TNR: variants seen among roughly 807,000 people sequenced by gnomAD.
TNR encodes the protein tenascin R, also known as tenascin-R.
In TNR, 45 loss-of-function variants were observed where a neutral mutation model predicts 150.4. That is an observed-to-expected ratio of 0.30 (90% CI 0.24 to 0.38). TNR has a LOEUF of 0.38. Ranked by LOEUF, TNR falls within the 10% of genes least tolerant of loss-of-function variation. The pLI, the probability that TNR is intolerant of heterozygous loss-of-function variation, is 1.00. For missense variants in TNR, 1,544 were observed against 1,759.1 expected, an observed-to-expected ratio of 0.88 and a Z score of 2.19; for synonymous variants, 687 against 678.4, an observed-to-expected ratio of 1.01 and a Z score of -0.20.
intron 2 of TNR, among the ~76,000 whole-genome samples, chr1:175,523,642 CCA>C (rs1382236769): frequency 2.6e-5 from 4 of 152,176 alleles, no homozygotes; most frequent in Non-Finnish European, 5.9e-5. Flanking sequence ...CCCCTCTTCT[CCA>C]TCCTTAGCAC....
intron 1 of TNR, among the ~76,000 whole-genome samples, chr1:175,531,614 C>T (rs1254118776): frequency 6.6e-6 from 1 of 152,168 alleles, no homozygotes; most frequent in African/African-American, 2.4e-5. Context: ...AGCATGCTGA[C>T]CTGACTCTCC....
At chr1:175,337,860 A>T (rs1362086832) in intron 18 of TNR, among the ~76,000 whole-genome samples, 181 bp from the exon 19 acceptor site, 1 of 152,196 alleles carries the variant, frequency 6.6e-6, no homozygotes, top group African/African-American at 2.4e-5. Context: ...TCCCTTCCAC[A>T]ACTGTTGTTA....
rs1256594977 is a variant in TNR, at chr1:175,386,267, A to G, written c.1542T>C (p.Asp514=). The change falls in exon 8 of 23, where the codon GAT becomes GAC. Residue 514 remains aspartate, a synonymous_variant. Coordinates refer to ENST00000367674, the MANE Select transcript of TNR (RefSeq NM_003285.3). Reference sequence around the variant, plus strand: ...CCACAAAAGCCACAGTGTCCGAGACATCGCGAACCAGGATCTGCGTGGGGC... The same window carrying G: ...CCACAAAAGCCACAGTGTCCGAGACGTCGCGAACCAGGATCTGCGTGGGGC... The part of the protein sequence containing the change: ...IDGPTQILVR[D]VSDTVAFVEW... 2 of 1,584,228 alleles carry G rather than the reference A, an allele frequency of 1.3e-6. No individual in the cohort carries two copies. The highest frequency in any genetic ancestry group is 4.5e-5 in the East Asian group (2 of 44,222).
chr1:175,741,472 C>T (rs1390482416), intron 1 of TNR, among the ~76,000 whole-genome samples: 1 of 152,204 alleles, frequency 6.6e-6, no homozygotes, highest in Non-Finnish European at 1.5e-5. Context: ...ATGCAGAAAT[C>T]TATCCACTCA....
At chr1:175,555,503 C>A (rs1218270058) in intron 1 of TNR, among the ~76,000 whole-genome samples, 1 of 135,778 alleles carries the variant, frequency 7.4e-6, no homozygotes, top group Admixed American at 7.8e-5. Context: ...GCTGACTCAC[C>A]GACAACTGAG....
chr1:175,597,525 T>G (rs1663056008), intron 1 of TNR, among the ~76,000 whole-genome samples: 2 of 152,256 alleles, frequency 1.3e-5, no homozygotes, highest in South Asian at 4.1e-4. Flanking sequence ...GATTTCCAGC[T>G]GCACTTGGTT....
intron 20 of TNR, among the ~76,000 whole-genome samples, chr1:175,331,074 T>TTC (rs1649817987): frequency 9.9e-5 from 10 of 101,346 alleles, no homozygotes; most frequent in African/African-American, 3.4e-4. Flanking sequence ...TCTTTCTTTC[T>TTC]TTCCTTCTTT....
At chr1:175,725,703 T>G (rs541711615) in intron 1 of TNR, among the ~76,000 whole-genome samples, 6 of 152,286 alleles carry the variant, frequency 3.9e-5, no homozygotes, top group South Asian at 4.1e-4. Context: ...CAGTTTAAGG[T>G]GCTAGCAGGT....
At chr1:175,543,011 GA>G in intron 1 of TNR, among the ~76,000 whole-genome samples, 1 of 152,314 alleles carries the variant, frequency 6.6e-6, no homozygotes, top group South Asian at 2.1e-4. Flanking sequence ...ACAGTGCTCA[GA>G]AGGGCCTTGT....
chr1:175,574,518 G>A (rs1294830612), intron 1 of TNR, among the ~76,000 whole-genome samples: 1 of 152,142 alleles, frequency 6.6e-6, no homozygotes, highest in African/African-American at 2.4e-5. Context: ...AACTGCTAGT[G>A]GGAGATATGC....
intron 1 of TNR, among the ~76,000 whole-genome samples, chr1:175,554,859 C>G (rs1661087668): frequency 6.6e-6 from 1 of 152,140 alleles, no homozygotes. Flanking sequence ...GCTCATTGAG[C>G]CTTTGAGATC....
At chr1:175,735,933 G>T (rs1255254904) in intron 1 of TNR, among the ~76,000 whole-genome samples, 1 of 152,148 alleles carries the variant, frequency 6.6e-6, no homozygotes, top group Non-Finnish European at 1.5e-5. Context: ...ATATCAGATT[G>T]GCTCTTGGTA....
intron 19 of TNR, 24 bp from the exon 20 acceptor site, chr1:175,335,831 AAAAC>A (rs747667183): frequency 7.5e-6 from 12 of 1,594,742 alleles, no homozygotes; most frequent in East Asian, 2.2e-5. Context: ...AAAAAAACAA[AAAAC>A]AAACAAACAA....
At chr1:175,680,899 T>A (rs1188153347) in intron 1 of TNR, among the ~76,000 whole-genome samples, 1 of 152,186 alleles carries the variant, frequency 6.6e-6, no homozygotes, top group African/African-American at 2.4e-5. Context: ...TGGGTAGGAA[T>A]CTTGGTGCTA....
rs1467409169 is a variant in TNR, at chr1:175,592,673, T to C, written c.-164-64304A>G. ...GTTAACCATCATTCAGCGGAGAGCA[T>C]CAAGTGAGTTACAGAGGAGGCAACT... On this transcript the variant is annotated intron_variant, in intron 1 of 22. Transcript: ENST00000367674. Among the ~76,000 whole-genome samples, 5 of 152,324 alleles carry C rather than the reference T, an allele frequency of 3.3e-5. No homozygotes were observed. The Middle Eastern group carries it at 0.01, about 311-fold the overall frequency.
chr1:175,391,254 G>A (rs767366602), intron 7 of TNR, 34 bp downstream of exon 7: 1 of 1,606,548 alleles, frequency 6.2e-7, no homozygotes. Context: ...TGACCTAGTA[G>A]GCAGCTCTAG....
chr1:175,518,253 G>A (rs1399261153), intron 2 of TNR, among the ~76,000 whole-genome samples: 1 of 152,096 alleles, frequency 6.6e-6, no homozygotes, highest in Non-Finnish European at 1.5e-5. Context: ...ATCCTGGATT[G>A]GCTCATGCAC....
At chr1:175,740,183 A>G (rs1213668368) in intron 1 of TNR, among the ~76,000 whole-genome samples, 4 of 152,224 alleles carry the variant, frequency 2.6e-5, no homozygotes, top group Non-Finnish European at 5.9e-5. Context: ...TTTACATACC[A>G]CATCTATTAA....
chr1:175,555,515 G>GGAAAAAAAAAA (rs771916145), intron 1 of TNR, among the ~76,000 whole-genome samples: 3 of 127,882 alleles, frequency 2.3e-5, no homozygotes, highest in Non-Finnish European at 3.3e-5. Flanking sequence ...ACAACTGAGA[G>GGAAAAAAAAAA]AAAAAAAAAA....
Sources: allele counts gnomAD v4.1 joint callset (sites outside exome capture counted in the v4.1 genomes callset), GRCh38; gene constraint gnomAD v4.1.1; transcripts MANE v1.5; gene names NCBI Gene and HGNC (gene_info 2026-07-23, HGNC 2026-07-21).